MGAT4C: variants seen among roughly 807,000 people sequenced by gnomAD.
MGAT4C encodes the protein MGAT4 family member C, also known as alpha-1,3-mannosyl-glycoprotein 4-beta-N-acetylglucosaminyltransferase C.
A neutral mutation model predicts 40.1 loss-of-function variants in MGAT4C; 19 were observed. The ratio of observed to expected loss-of-function variants is 0.47; its 90% CI spans 0.33 to 0.70. The LOEUF (loss-of-function observed/expected upper bound fraction) is 0.70. MGAT4C is among the 30% of genes least tolerant of loss of function. The pLI is 0.02. For synonymous variants in MGAT4C, 181 were observed against 187.1 expected (o/e 0.97, Z 0.27); for missense variants, 491 against 563.2 (o/e 0.87, Z 1.30).
chr12:86,474,265 G>A (rs1357435483), intron 2 of MGAT4C, among the ~76,000 whole-genome samples: 7 of 149,622 alleles, frequency 4.7e-5, no homozygotes, highest in African/African-American at 1.5e-4. Flanking sequence ...GCAAATTATC[G>A]CAAGGACAAA....
At chr12:86,617,267 A>C (rs1962481475) in intron 2 of MGAT4C, among the ~76,000 whole-genome samples, 1 of 152,150 alleles carries the variant, frequency 6.6e-6, no homozygotes, top group South Asian at 2.1e-4. Flanking sequence ...CAATTTTAAC[A>C]ATCTAACGTT....
intron 1 of MGAT4C, among the ~76,000 whole-genome samples, chr12:86,130,789 A>G (rs555392828): frequency 7.2e-5 from 11 of 152,078 alleles, no homozygotes; most frequent in Non-Finnish European, 1.3e-4. Flanking sequence ...CCTGGTCAAA[A>G]TATTCCTCAC....
chr12:86,552,117 T>C (rs980239609), intron 2 of MGAT4C, among the ~76,000 whole-genome samples: 15 of 146,308 alleles, frequency 1.0e-4, no homozygotes, highest in African/African-American at 3.8e-4. Context: ...AAATACAAAA[T>C]TCAAGGAAAA....
intron 3 of MGAT4C, among the ~76,000 whole-genome samples, chr12:85,986,642 T>A (rs1885230435): frequency 6.6e-6 from 1 of 152,196 alleles, no homozygotes; most frequent in South Asian, 2.1e-4. Context: ...TATCTCTAAG[T>A]TAGAAGTACT....
intron 2 of MGAT4C, among the ~76,000 whole-genome samples, chr12:86,520,272 C>T (rs906277397): frequency 6.6e-6 from 1 of 152,024 alleles, no homozygotes; most frequent in Admixed American, 6.6e-5. Context: ...TTCTATGTGC[C>T]CATATGTTCT....
intron 1 of MGAT4C, among the ~76,000 whole-genome samples, chr12:86,254,837 G>A (rs1389295): frequency 0.82 from 123,974 of 151,942 alleles, 50,826 homozygotes; most frequent in East Asian, 0.95. Flanking sequence ...ATTAATACAC[G>A]TCTGACACTG....
At chr12:86,668,910 A>G (rs2136560551) in intron 2 of MGAT4C, among the ~76,000 whole-genome samples, 1 of 151,750 alleles carries the variant, frequency 6.6e-6, no homozygotes, top group African/African-American at 2.4e-5. Context: ...CCACCCCCAG[A>G]CAGAAATCCA....
chr12:86,436,270 A>G (rs531642452), intron 2 of MGAT4C, among the ~76,000 whole-genome samples: 8 of 152,028 alleles, frequency 5.3e-5, no homozygotes, highest in Middle Eastern at 3.4e-3. Context: ...ATTTTGTGCA[A>G]CAAAACAATT....
intron 2 of MGAT4C, among the ~76,000 whole-genome samples, chr12:86,548,811 G>GT (rs1959224101): frequency 1.3e-5 from 2 of 152,254 alleles, no homozygotes; most frequent in South Asian, 4.1e-4. Context: ...ATAACTCACT[G>GT]TATGTGAAGA....
chr12:86,396,678 C>T (rs186511488), intron 3 of MGAT4C, among the ~76,000 whole-genome samples: 16 of 152,026 alleles, frequency 1.1e-4, no homozygotes, highest in East Asian at 9.6e-4. Context: ...AGATATGGGG[C>T]AGGGAGTGAC....
At chr12:86,191,632 A>AAC (rs61626246) in intron 1 of MGAT4C, among the ~76,000 whole-genome samples, 2,081 of 121,924 alleles carry the variant, frequency 0.017, 21 homozygotes, top group Middle Eastern at 0.025. Context: ...CAAAAAACAA[A>AAC]ACACACACAC....
At chr12:86,780,688 G>A (rs755209306) in intron 1 of MGAT4C, among the ~76,000 whole-genome samples, 2 of 152,148 alleles carry the variant, frequency 1.3e-5, no homozygotes, top group African/African-American at 4.8e-5. Flanking sequence ...AAATTACCCA[G>A]TCTCAGATAG....
At chr12:86,019,727 G>A (rs1172143749) in intron 2 of MGAT4C, among the ~76,000 whole-genome samples, 2 of 152,096 alleles carry the variant, frequency 1.3e-5, no homozygotes, top group Non-Finnish European at 2.9e-5. Context: ...ATTCTGTGAA[G>A]AAAGTCATTA....
chr12:86,149,331 A>T (rs1883975505), intron 1 of MGAT4C, among the ~76,000 whole-genome samples: 1 of 152,192 alleles, frequency 6.6e-6, no homozygotes, highest in South Asian at 2.1e-4. Flanking sequence ...TATAATATTA[A>T]AGGAGATAAA....
intron 1 of MGAT4C, among the ~76,000 whole-genome samples, chr12:86,764,391 T>C (rs1364950041): frequency 6.6e-6 from 1 of 152,042 alleles, no homozygotes; most frequent in Non-Finnish European, 1.5e-5. Flanking sequence ...CCACCACAGC[T>C]CAAGGAGGCC....
At chr12:86,537,764 A>C (rs1456015702) in intron 2 of MGAT4C, among the ~76,000 whole-genome samples, 2 of 152,148 alleles carry the variant, frequency 1.3e-5, no homozygotes, top group Non-Finnish European at 2.9e-5. Flanking sequence ...ATACATCCAT[A>C]CTTAAAGGTG....
chr12:86,352,163 CTGTTA>C (rs1225821612), intron 3 of MGAT4C, among the ~76,000 whole-genome samples: 1 of 152,012 alleles, frequency 6.6e-6, no homozygotes, highest in Non-Finnish European at 1.5e-5. Flanking sequence ...CTAGTGCAGT[CTGTTA>C]TAACAAAAAC....
At chr12:86,627,224 G>A (rs1235594609) in intron 2 of MGAT4C, among the ~76,000 whole-genome samples, 1 of 152,144 alleles carries the variant, frequency 6.6e-6, no homozygotes, top group African/African-American at 2.4e-5. Flanking sequence ...CAGGAATCTT[G>A]AACTCGGTGG....
intron 1 of MGAT4C, among the ~76,000 whole-genome samples, chr12:86,067,566 G>C (rs113418159): frequency 0.071 from 10,841 of 151,940 alleles, 545 homozygotes; most frequent in Middle Eastern, 0.24. Context: ...GGGGGGTGGG[G>C]GGATAGCGGA....
Sources: allele counts gnomAD v4.1 joint callset (sites outside exome capture counted in the v4.1 genomes callset), GRCh38; gene constraint gnomAD v4.1.1; transcripts MANE v1.5; gene names NCBI Gene and HGNC (gene_info 2026-07-23, HGNC 2026-07-21).